Variants in SVOPL observed in about 807,000 individuals in gnomAD.
SVOPL encodes the protein SVOP like, also known as putative transporter SVOPL.
Under a neutral mutation model 61.0 loss-of-function variants are expected in SVOPL, and 60 were observed. The ratio of observed to expected loss-of-function variants is 0.98; its 90% CI spans 0.80 to 1.22. The LOEUF is 1.22. Among genes scored for constraint, SVOPL ranks in the 50% most tolerant of loss-of-function variants. SVOPL has a pLI of 0.00. For synonymous variants in SVOPL, 279 were observed against 250.0 expected (o/e 1.12, Z -1.09); for missense variants, 662 against 643.9 (o/e 1.03, Z -0.30).
At chr7:138,690,915 G>T (rs1418166755) in intron 1 of SVOPL, among the ~76,000 whole-genome samples, 1 of 152,080 alleles carries the variant, frequency 6.6e-6, no homozygotes, top group African/African-American at 2.4e-5. Flanking sequence ...TGGGACTACA[G>T]GTGTCCATCA....
At chr7:138,622,138 G>GTATCTATGTATCTATGTATCTATC (rs1799655410) in intron 13 of SVOPL, among the ~76,000 whole-genome samples, 1 of 23,490 alleles carries the variant, frequency 4.3e-5, no homozygotes, top group Non-Finnish European at 9.4e-5. Flanking sequence ...ATCTATCTAT[G>GTATCTATGTATCTATGTATCTATC]TATCTATCTA....
chr7:138,628,205 G>T lies in SVOPL; in HGVS notation c.1022C>A (p.Pro341His). The T allele has an allele frequency of 2.5e-6, 4 of 1,614,150 alleles. No homozygotes were observed. Among genetic ancestry groups the T allele is most frequent in the Non-Finnish European group, 3.4e-6 (4 of 1,180,038 alleles). The change falls in exon 11 of 16, where the codon CCC (proline) becomes CAC (histidine). Residue 341 changes from proline to histidine, a missense_variant. Physicochemically the swap from Pro to His is moderately conservative, Grantham distance 77. Coordinates refer to ENST00000674285, the MANE Select transcript of SVOPL (RefSeq NM_001139456.2). ...QSPCYCHMFA[P>H]SDYRTMIIST... ...GATGATCATGGTCCGATAGTCAGAG[G>T]GTGCAAACATGTGGCAGTAGCAGGG...
intron 1 of SVOPL, among the ~76,000 whole-genome samples, chr7:138,693,364 T>A (rs929915489): frequency 2.0e-5 from 3 of 151,464 alleles, no homozygotes; most frequent in South Asian, 2.1e-4. Flanking sequence ...AAAAATTTTT[T>A]AAAAATTAGC....
intron 8 of SVOPL, 45 bp downstream of exon 8, chr7:138,648,967 C>T (rs1171718465): frequency 1.2e-6 from 2 of 1,611,004 alleles, no homozygotes; most frequent in Non-Finnish European, 1.7e-6. Context: ...GGCCACTGGA[C>T]CAGCAGGAGG....
chr7:138,630,962 A>G lies in SVOPL; in HGVS notation c.790-840T>C, dbSNP rs796119135. Among the ~76,000 whole-genome samples the G allele has an allele frequency of 1.3e-3, 198 of 151,264 alleles. 6 individuals are homozygous for G. In the East Asian group the frequency reaches 0.033, roughly 25 times the overall value. On this transcript the variant is annotated intron_variant, in intron 9 of 15. Coordinates refer to ENST00000674285, the MANE Select transcript of SVOPL (RefSeq NM_001139456.2). ...CCATCTCAAAAAAAGAAAAAAAAAA[A>G]AAAAAAAGCAAGGAAGAGTTACATG...
intron 4 of SVOPL, among the ~76,000 whole-genome samples, chr7:138,666,528 A>C (rs1468707108): frequency 6.6e-6 from 1 of 152,234 alleles, no homozygotes; most frequent in Admixed American, 6.5e-5. Flanking sequence ...TCTGGCAGAC[A>C]TGGCAGATTT....
chr7:138,606,957 A>G (rs955989941), intron 14 of SVOPL, among the ~76,000 whole-genome samples: 1 of 133,732 alleles, frequency 7.5e-6, no homozygotes, highest in Non-Finnish European at 1.7e-5. Context: ...CTGTCTCAAG[A>G]AAACAAAACA....
chr7:138,616,605 G>A (rs1207495686), intron 14 of SVOPL, among the ~76,000 whole-genome samples: 1 of 152,018 alleles, frequency 6.6e-6, no homozygotes, highest in African/African-American at 2.4e-5. Flanking sequence ...CAAAGTGCTG[G>A]GATTACAGAC....
chr7:138,699,029 G>A (rs936575208), intron 1 of SVOPL, among the ~76,000 whole-genome samples: 6 of 152,184 alleles, frequency 3.9e-5, no homozygotes, highest in African/African-American at 9.6e-5. Context: ...GCACATGCCT[G>A]TAGTCCCAAC....
intron 1 of SVOPL, among the ~76,000 whole-genome samples, chr7:138,697,787 AGAAGAAGAAGAG>A (rs1803102548): frequency 6.6e-6 from 1 of 151,562 alleles, no homozygotes; most frequent in Non-Finnish European, 1.5e-5. Context: ...GAGGAGAAGG[AGAAGAAGAAGAG>A]GAAGAAGAAG....
chr7:138,627,091 C>T (rs993269792), intron 12 of SVOPL, among the ~76,000 whole-genome samples: 5 of 152,114 alleles, frequency 3.3e-5, no homozygotes, highest in African/African-American at 9.7e-5. Flanking sequence ...CATAATGATC[C>T]TCAATATTTT....
At chr7:138,639,528 G>A (rs909700550) in intron 9 of SVOPL, among the ~76,000 whole-genome samples, 1 of 151,898 alleles carries the variant, frequency 6.6e-6, no homozygotes, top group African/African-American at 2.4e-5. Context: ...TTGGGAGGCC[G>A]AGGCAGGAGA....
chr7:138,679,430 T>C (rs12532928), intron 1 of SVOPL, among the ~76,000 whole-genome samples: 33,058 of 151,854 alleles, frequency 0.22, 3,834 homozygotes, highest in Middle Eastern at 0.38. Flanking sequence ...TCACCATGCC[T>C]GGCTAATTTT....
intron 14 of SVOPL, among the ~76,000 whole-genome samples, chr7:138,611,876 C>G (rs1174753762): frequency 1.3e-5 from 1 of 77,686 alleles, no homozygotes; most frequent in Non-Finnish European, 2.6e-5. Context: ...TGCCCGGCCG[C>G]CACCCCGTCT....
intron 14 of SVOPL, among the ~76,000 whole-genome samples, chr7:138,611,706 G>T (rs2116816632): frequency 1.7e-5 from 1 of 58,402 alleles, no homozygotes; most frequent in Non-Finnish European, 4.1e-5. Flanking sequence ...TGAAAGATAA[G>T]ACTTTGGTTA....
intron 1 of SVOPL, among the ~76,000 whole-genome samples, chr7:138,685,113 G>C (rs1319741315): frequency 6.6e-6 from 1 of 151,836 alleles, no homozygotes; most frequent in East Asian, 1.9e-4. Flanking sequence ...TGTATTTTTA[G>C]TAGAGACAGG....
At chr7:138,655,798 T>C (rs1018967279) in intron 7 of SVOPL, among the ~76,000 whole-genome samples, 2 of 152,022 alleles carry the variant, frequency 1.3e-5, no homozygotes, top group South Asian at 2.1e-4. Context: ...GCAACAAAAG[T>C]GATTTCTTGA....
At chr7:138,616,591 C>T (rs1046374565) in intron 14 of SVOPL, among the ~76,000 whole-genome samples, 3 of 152,248 alleles carry the variant, frequency 2.0e-5, no homozygotes, top group Admixed American at 6.5e-5. Context: ...CGGCCTCAGC[C>T]GCCCAAAGTG....
At chr7:138,689,535 T>A in intron 1 of SVOPL, 7 of 570,894 alleles carry the variant, frequency 1.2e-5, no homozygotes, top group East Asian at 3.2e-5. Flanking sequence ...AATTCAGCAT[T>A]AAAATAAATG....
Sources: allele counts gnomAD v4.1 joint callset (sites outside exome capture counted in the v4.1 genomes callset), GRCh38; gene constraint gnomAD v4.1.1; transcripts MANE v1.5; gene names NCBI Gene and HGNC (gene_info 2026-07-23, HGNC 2026-07-21).